The following ABHD17C variants were observed in gnomAD, a reference collection of about 807,000 sequenced individuals.
The protein encoded by ABHD17C is alpha/beta hydrolase domain-containing protein 17C.
Under a neutral mutation model 27.9 loss-of-function variants are expected in ABHD17C, and 11 were observed. The ratio of observed to expected loss-of-function variants is 0.39; its 90% CI spans 0.25 to 0.65. ABHD17C has a LOEUF of 0.65. Among genes scored for constraint, ABHD17C ranks in the 30% least tolerant of loss-of-function variants. ABHD17C has a pLI of 0.45. For missense variants in ABHD17C, 280 were observed against 470.2 expected (o/e 0.60, Z 3.74); for synonymous variants, 233 against 209.1 (o/e 1.11, Z -0.98).
intron 1 of ABHD17C, among the ~76,000 whole-genome samples, chr15:80,728,198 A>G (rs1384355121): frequency 1.3e-5 from 2 of 152,184 alleles, no homozygotes; most frequent in Non-Finnish European, 2.9e-5. Flanking sequence ...GTTGTGTGCC[A>G]CGTGCCTTCT....
At chr15:80,738,349 G>A (rs1895162361) in intron 1 of ABHD17C, among the ~76,000 whole-genome samples, 2 of 152,156 alleles carry the variant, frequency 1.3e-5, no homozygotes, top group Non-Finnish European at 2.9e-5. Context: ...GTCCCTGTGG[G>A]GCAGTCTGAG....
In ABHD17C at chr15:80,749,399, T is replaced by C. The variant is rs145144665; in HGVS notation, c.591-114T>C. 7.6e-5 allele frequency: 81 copies of C among 1,071,308 alleles called. No individual in the cohort carries two copies. The East Asian group carries it at 1.4e-3, about 18-fold the overall frequency. 66.4% of individuals were successfully genotyped at this position (1,071,308 alleles called of 1,614,324 possible). On this transcript the variant is annotated intron_variant, in intron 1 of 2. Coordinates refer to ENST00000258884, the MANE Select transcript of ABHD17C (RefSeq NM_021214.2). ...ACTAAAGTGTACAAGTTAGATGATA[T>C]GGTTTTAAGCTGGTGGATGTGGGAA...
chr15:80,735,952 G>A (rs1293695195), intron 1 of ABHD17C, among the ~76,000 whole-genome samples: 1 of 152,148 alleles, frequency 6.6e-6, no homozygotes, highest in Non-Finnish European at 1.5e-5. Context: ...TTTTAATGCT[G>A]TATTTGGTAT....
chr15:80,723,273 G>A (rs1463040542), intron 1 of ABHD17C, among the ~76,000 whole-genome samples: 3 of 152,070 alleles, frequency 2.0e-5, no homozygotes, highest in Non-Finnish European at 4.4e-5. Context: ...TGGTGATCAG[G>A]GCACCCCCTC....
chr15:80,725,900 C>T (rs545529854), intron 1 of ABHD17C, among the ~76,000 whole-genome samples: 4 of 152,044 alleles, frequency 2.6e-5, no homozygotes, highest in Admixed American at 2.0e-4. Flanking sequence ...CCTAACCCAG[C>T]GGCACTAGAG....
intron 1 of ABHD17C, among the ~76,000 whole-genome samples, chr15:80,698,190 G>A (rs1476284685): frequency 1.3e-5 from 2 of 149,180 alleles, no homozygotes; most frequent in Non-Finnish European, 3.0e-5. Context: ...TCAGCCTCCC[G>A]AGTAGCTGGG....
At chr15:80,746,455 A>G (rs931267227) in intron 1 of ABHD17C, among the ~76,000 whole-genome samples, 3 of 150,380 alleles carry the variant, frequency 2.0e-5, no homozygotes, top group African/African-American at 4.9e-5. Flanking sequence ...TTTCTTTATG[A>G]CTAGTGCTTT....
chr15:80,754,211 G>A lies in ABHD17C; in HGVS notation c.831G>A (p.Glu277=). 1 of 1,613,976 alleles carries A rather than the reference G, an allele frequency of 6.2e-7. No homozygotes were observed. The highest frequency in any genetic ancestry group is 2.2e-5 in the East Asian group (1 of 44,870). The change falls in exon 3 of 3, where the codon GAG becomes GAA. Residue 277 remains glutamate, a synonymous_variant. Transcript: ENST00000258884. ...PVLVIHGTED[E]VIDFSHGLAM... is the part of the protein sequence containing the mutation. ...TGGTCATTCATGGTACAGAGGATGA[G>A]GTCATCGATTTCTCCCATGGCCTAG...
At chr15:80,746,116 T>C (rs1178598959) in intron 1 of ABHD17C, among the ~76,000 whole-genome samples, 1 of 152,272 alleles carries the variant, frequency 6.6e-6, no homozygotes, top group Non-Finnish European at 1.5e-5. Context: ...GTTAGGCTTT[T>C]GAATTTTTGT....
At chr15:80,748,608 C>T (rs1198570901) in intron 1 of ABHD17C, among the ~76,000 whole-genome samples, 1 of 151,520 alleles carries the variant, frequency 6.6e-6, no homozygotes, top group Non-Finnish European at 1.5e-5. Flanking sequence ...TCTAAGCACT[C>T]TTTAGATATT....
intron 1 of ABHD17C, among the ~76,000 whole-genome samples, chr15:80,720,700 C>G (rs1385171277): frequency 6.6e-6 from 1 of 152,130 alleles, no homozygotes; most frequent in Non-Finnish European, 1.5e-5. Flanking sequence ...GCAGGCGGAT[C>G]ACCTGAGGTC....
At chr15:80,703,158 T>C (rs1380417527) in intron 1 of ABHD17C, 1 of 152,218 alleles carries the variant, frequency 6.6e-6, no homozygotes, top group African/African-American at 2.4e-5. Flanking sequence ...CTCAAAGCTT[T>C]CCTCCAGAAA....
At chr15:80,697,420 T>C (rs1290611460) in intron 1 of ABHD17C, among the ~76,000 whole-genome samples, 1 of 152,234 alleles carries the variant, frequency 6.6e-6, no homozygotes, top group Non-Finnish European at 1.5e-5. Context: ...GTATTAAAAA[T>C]AAGGTTGGCA....
At chr15:80,726,501 G>GTTTTTTTTTTTTTTTTTTTTTTTT (rs10572505) in intron 1 of ABHD17C, among the ~76,000 whole-genome samples, 1 of 94,508 alleles carries the variant, frequency 1.1e-5, no homozygotes, top group African/African-American at 5.4e-5. Flanking sequence ...TCTTTTTCTG[G>GTTTTTTTTTTTTTTTTTTTTTTTT]TTTTTTTTTT....
At chr15:80,717,243 C>T (rs1894815575) in intron 1 of ABHD17C, among the ~76,000 whole-genome samples, 1 of 118,054 alleles carries the variant, frequency 8.5e-6, no homozygotes, top group African/African-American at 3.3e-5. Context: ...GGCCAGTGAG[C>T]ATTTGATGGG....
At chr15:80,696,087 C>T in intron 1 of ABHD17C, 68 bp downstream of exon 1, 1 of 1,442,668 alleles carries the variant, frequency 6.9e-7, no homozygotes, top group Non-Finnish European at 9.3e-7. Flanking sequence ...TCTCTTGGGG[C>T]CCCTGGGGCG....
chr15:80,714,042 C>T (rs900756757), intron 1 of ABHD17C, among the ~76,000 whole-genome samples: 3 of 152,128 alleles, frequency 2.0e-5, no homozygotes, highest in Admixed American at 6.5e-5. Context: ...CACCCCTGAC[C>T]TCCTGGGCTC....
chr15:80,721,644 A>G (rs1014772230), intron 1 of ABHD17C, among the ~76,000 whole-genome samples: 3 of 152,172 alleles, frequency 2.0e-5, no homozygotes, highest in Admixed American at 6.5e-5. Flanking sequence ...CATAAATGCT[A>G]TTGTCATTGT....
Position 80,749,565 on chromosome 15 carries a change from G to T in ABHD17C, c.643G>T (p.Val215Phe). ...IILYGQSIGT[V>F]PTVDLASRYE... is the part of the protein sequence containing the mutation. Reference sequence around the variant, plus strand: ...CCTCTATGGTCAGAGCATTGGGACTGTCCCCACGGTAGACTTGGCCTCGAG... The same window carrying T: ...CCTCTATGGTCAGAGCATTGGGACTTTCCCCACGGTAGACTTGGCCTCGAG... Residue 215 changes from valine (V) to phenylalanine (F), a missense_variant, in exon 2 of 3, where the codon GTC becomes TTC. This residue lies in a region of ABHD17C where 206 missense variants were observed against 394.7 expected (regional missense o/e 0.52). Transcript: ENST00000258884. The T allele has an allele frequency of 6.2e-7, 1 of 1,613,946 alleles. No homozygotes were observed.
Sources: allele counts gnomAD v4.1 joint callset (sites outside exome capture counted in the v4.1 genomes callset), GRCh38; gene constraint gnomAD v4.1.1; regional missense constraint gnomAD v4.1.1; transcripts MANE v1.5; gene names NCBI Gene and HGNC (gene_info 2026-07-23, HGNC 2026-07-21).